The following ANAPC1 variants were observed in gnomAD, a reference collection of about 807,000 sequenced individuals.
ANAPC1 encodes the protein anaphase-promoting complex subunit 1.
Under a neutral mutation model 208.0 loss-of-function variants are expected in ANAPC1, and 36 were observed. That is an observed-to-expected ratio of 0.17 (90% CI 0.13 to 0.23). The LOEUF is 0.23. Among genes scored for constraint, ANAPC1 ranks in the 10% least tolerant of loss-of-function variants. The pLI, the probability that ANAPC1 is intolerant of heterozygous loss-of-function variation, is 1.00. For synonymous variants in ANAPC1, 378 were observed against 695.2 expected (o/e 0.54, Z 7.18); for missense variants, 942 against 2,011.6 (o/e 0.47, Z 10.17).
At chr2:111,817,775 A>T (rs1679316431) in intron 27 of ANAPC1, among the ~76,000 whole-genome samples, 2 of 95,996 alleles carry the variant, frequency 2.1e-5, no homozygotes, top group Non-Finnish European at 4.9e-5. Context: ...TATACTATAC[A>T]CTCCTACAAC....
chr2:111,788,118 T>C, intron 39 of ANAPC1, 116 bp downstream of exon 39: 2 of 1,478,940 alleles, frequency 1.4e-6, no homozygotes, highest in Non-Finnish European at 1.8e-6. Flanking sequence ...TATAACTAAG[T>C]TGGAGAACAA....
chr2:111,850,920 AT>A lies in ANAPC1; in HGVS notation c.1516-11del. On this transcript the variant is annotated splice_polypyrimidine_tract_variant and intron_variant, in intron 13 of 47. Coordinates refer to ENST00000341068, the MANE Select transcript of ANAPC1 (RefSeq NM_022662.4). The stretch of plus-strand genomic sequence containing the variant: ...TAAAAACCTTTCCCACCTTTAAGCA[AT>A]AAAAACATGTGGAAAAAAAAATATT... 6.3e-7 allele frequency: 1 copy of A among 1,587,024 alleles called. No individual in the cohort carries two copies. The highest frequency in any genetic ancestry group is 1.2e-5 in the South Asian group (1 of 85,810).
chr2:111,883,422 G>C (rs2176293), intron 1 of ANAPC1, among the ~76,000 whole-genome samples: 1 of 150,988 alleles, frequency 6.6e-6, no homozygotes, highest in African/African-American at 2.4e-5. Flanking sequence ...CAAACTTTTA[G>C]AAATGTTTTT....
chr2:111,874,480 G>A (rs1157191688), intron 3 of ANAPC1, among the ~76,000 whole-genome samples: 1 of 150,040 alleles, frequency 6.7e-6, no homozygotes, highest in African/African-American at 2.4e-5. Context: ...CTTTCCCTAT[G>A]AAAGGGCCTG....
chr2:111,859,119 T>C (rs949039503), intron 10 of ANAPC1, among the ~76,000 whole-genome samples: 1 of 152,190 alleles, frequency 6.6e-6, no homozygotes, highest in Non-Finnish European at 1.5e-5. Flanking sequence ...CCCCCTCTCC[T>C]TCTCAGATTA....
chr2:111,866,837 C>T (rs923274062), intron 7 of ANAPC1, among the ~76,000 whole-genome samples: 8 of 148,118 alleles, frequency 5.4e-5, no homozygotes, highest in Non-Finnish European at 1.2e-4. Context: ...GCCATTTAAT[C>T]CCAGGCTCTA....
In ANAPC1 at chr2:111,801,128, G is replaced by A. The variant is rs184598570; in HGVS notation, c.4222-257C>T. Among the ~76,000 whole-genome samples, 1,417 of 152,130 alleles carry A rather than the reference G, an allele frequency of 9.3e-3. 12 individuals are homozygous for A. Among genetic ancestry groups the A allele is most frequent in the South Asian group, 0.029 (141 of 4,818 alleles). On this transcript the variant is annotated intron_variant, in intron 33 of 47. Transcript: ENST00000341068. The stretch of plus-strand genomic sequence containing the variant: ...TCCCAGCACTTTGGGAGACCAAGGC[G>A]GGCAGATCACTGAAGCCCAGGAGTT...
At chr2:111,847,077 C>A (rs1260217880) in intron 16 of ANAPC1, 61 bp downstream of exon 16, 40 of 1,362,688 alleles carry the variant, frequency 2.9e-5, no homozygotes, top group Non-Finnish European at 3.7e-5. Flanking sequence ...GTTTAAAACC[C>A]CAATTATTAA....
At chr2:111,798,496 AT>A (rs1418856915) in intron 34 of ANAPC1, among the ~76,000 whole-genome samples, 1 of 151,954 alleles carries the variant, frequency 6.6e-6, no homozygotes, top group African/African-American at 2.4e-5. Context: ...CATATACAAA[AT>A]TACTTTGAAA....
At chr2:111,835,825 G>C (rs1410980360) in intron 18 of ANAPC1, among the ~76,000 whole-genome samples, 1 of 152,064 alleles carries the variant, frequency 6.6e-6, no homozygotes, top group Non-Finnish European at 1.5e-5. Flanking sequence ...CTGGGCAACA[G>C]AGCGAGACTC....
chr2:111,851,524 C>T (rs1681394264), intron 13 of ANAPC1, among the ~76,000 whole-genome samples: 3 of 151,962 alleles, frequency 2.0e-5, no homozygotes, highest in Non-Finnish European at 4.4e-5. Flanking sequence ...GTAAGAACAG[C>T]GGCCGGGCGC....
chr2:111,879,699 C>T (rs541271467), intron 2 of ANAPC1, among the ~76,000 whole-genome samples: 2,850 of 151,922 alleles, frequency 0.019, 75 homozygotes, highest in African/African-American at 0.064. Flanking sequence ...GGAGAAATCC[C>T]GCCTCTACTA....
chr2:111,884,158 G>A lies in ANAPC1; in HGVS notation c.-241C>T, dbSNP rs1308417842. 2 of 152,310 alleles carry A rather than the reference G, an allele frequency of 1.3e-5. No individual in the cohort carries two copies. Among genetic ancestry groups the A allele is most frequent in the Admixed American group, 1.3e-4 (2 of 15,292 alleles). The allele number at this position is 152,310 out of a possible 1,614,324, so 9.4% of individuals were successfully genotyped here. ...AGGAAGGCGTGCGAGACGTTCAAAT[G>A]GACGCGTCCATCTTGACTTTCCCGT... On this transcript the variant is annotated 5_prime_UTR_variant, in exon 1 of 48. Transcript: ENST00000341068.
intron 24 of ANAPC1, among the ~76,000 whole-genome samples, chr2:111,823,893 G>A (rs1243054542): frequency 6.8e-6 from 1 of 147,518 alleles, no homozygotes; most frequent in African/African-American, 2.5e-5. Context: ...TCTATTTCTA[G>A]GGGTGGGTGA....
intron 42 of ANAPC1, among the ~76,000 whole-genome samples, chr2:111,783,032 G>A (rs1677367860): frequency 6.6e-6 from 1 of 151,982 alleles, no homozygotes; most frequent in Admixed American, 6.6e-5. Context: ...AGGTATAAAT[G>A]TATCAACACT....
At chr2:111,772,613 C>T in intron 46 of ANAPC1, 138 bp from the exon 47 acceptor site, 1 of 514,030 alleles carries the variant, frequency 1.9e-6, no homozygotes, top group African/African-American at 2.0e-5. Flanking sequence ...GGTATTGAGG[C>T]TACTCTGACA....
At chr2:111,771,511 T>A (rs1676736840) in intron 47 of ANAPC1, among the ~76,000 whole-genome samples, 1 of 151,022 alleles carries the variant, frequency 6.6e-6, no homozygotes, top group African/African-American at 2.4e-5. Context: ...CTTCTTGTAC[T>A]ATGAACTGGC....
intron 34 of ANAPC1, among the ~76,000 whole-genome samples, chr2:111,799,082 A>T (rs1385648399): frequency 1.9e-4 from 29 of 151,948 alleles, no homozygotes; most frequent in African/African-American, 6.8e-4. Context: ...AGAATGCATT[A>T]AAAAAACTCC....
At chr2:111,835,064 G>A (rs1393200221) in intron 18 of ANAPC1, among the ~76,000 whole-genome samples, 192 bp from the exon 19 acceptor site, 1 of 151,114 alleles carries the variant, frequency 6.6e-6, no homozygotes, top group Non-Finnish European at 1.5e-5. Flanking sequence ...AAACGTTAAG[G>A]CAAGCCACCT....
Sources: allele counts gnomAD v4.1 joint callset (sites outside exome capture counted in the v4.1 genomes callset), GRCh38; gene constraint gnomAD v4.1.1; transcripts MANE v1.5; gene names NCBI Gene and HGNC (gene_info 2026-07-23, HGNC 2026-07-21).